MTSS1: variants seen among roughly 807,000 people sequenced by gnomAD.
MTSS1 encodes the protein protein MTSS 1.
In MTSS1, 18 loss-of-function variants were observed where a neutral mutation model predicts 79.0. That is an observed-to-expected ratio of 0.23 (90% CI 0.16 to 0.34). The LOEUF (loss-of-function observed/expected upper bound fraction) is 0.34. Ranked by LOEUF, MTSS1 falls within the 10% of genes least tolerant of loss-of-function variation. The probability of loss-of-function intolerance (pLI) is 1.00; values close to 1 mark genes in which losing one functional copy is unlikely to be tolerated. For missense variants in MTSS1, 815 were observed against 986.2 expected (o/e 0.83, Z 2.33); for synonymous variants, 341 against 368.6 (o/e 0.93, Z 0.86).
chr8:124,712,851 T>C (rs1831370113), intron 1 of MTSS1, among the ~76,000 whole-genome samples: 1 of 150,944 alleles, frequency 6.6e-6, no homozygotes, highest in Non-Finnish European at 1.5e-5. Flanking sequence ...CCTTACAAAC[T>C]GCTCCATTTG....
At chr8:124,605,103 G>A (rs1834560619) in intron 3 of MTSS1, among the ~76,000 whole-genome samples, 1 of 152,210 alleles carries the variant, frequency 6.6e-6, no homozygotes, top group Non-Finnish European at 1.5e-5. Flanking sequence ...ATGGAATGGT[G>A]TCTGGTTGCA....
chr8:124,701,705 G>A (rs1379902890), intron 2 of MTSS1, among the ~76,000 whole-genome samples: 3 of 152,168 alleles, frequency 2.0e-5, no homozygotes, highest in African/African-American at 7.2e-5. Flanking sequence ...AAAATTAGGC[G>A]GGTGATCAAG....
rs1180718307 is a variant in MTSS1 at position 124,550,995 on chromosome 8, C to A, written c.*1997G>T. 6.6e-6 allele frequency: 1 copy of A among 152,562 alleles called. No individual in the cohort carries two copies. Among genetic ancestry groups the A allele is most frequent in the African/African-American group, 2.4e-5 (1 of 41,446 alleles). The allele number at this position is 152,562 out of a possible 1,614,324, so 9.5% of individuals were successfully genotyped here. On this transcript the variant is annotated 3_prime_UTR_variant, in exon 14 of 14. Coordinates refer to ENST00000518547, the MANE Select transcript of MTSS1 (RefSeq NM_014751.6). ...CTTTTTAGCTGTGACACTGCTTTTACAATATGCAAAAACACAAGCAGAACT... is the reference window on the plus strand; with the variant it reads ...CTTTTTAGCTGTGACACTGCTTTTAAAATATGCAAAAACACAAGCAGAACT...
chr8:124,688,290 C>T (rs542533002), intron 3 of MTSS1, among the ~76,000 whole-genome samples: 1 of 149,910 alleles, frequency 6.7e-6, no homozygotes, highest in African/African-American at 2.5e-5. Flanking sequence ...TATGTGTGTA[C>T]GTGTATGTTG....
chr8:124,567,453 C>T (rs1031567435), intron 7 of MTSS1, among the ~76,000 whole-genome samples: 19 of 152,236 alleles, frequency 1.2e-4, no homozygotes, highest in Non-Finnish European at 1.5e-5. Flanking sequence ...GACTGCCAGG[C>T]CTGCTCAGAT....
chr8:124,568,011 A>G, intron 7 of MTSS1: 1 of 1,240,464 alleles, frequency 8.1e-7, no homozygotes, highest in Non-Finnish European at 1.0e-6. Context: ...CCTTTAAAAC[A>G]CAGACGACTG....
chr8:124,639,629 A>T (rs1265556540), intron 3 of MTSS1, among the ~76,000 whole-genome samples: 10 of 151,824 alleles, frequency 6.6e-5, no homozygotes, highest in African/African-American at 9.7e-5. Context: ...TGCCCAGCTA[A>T]TTTTTTGTAT....
intron 3 of MTSS1, among the ~76,000 whole-genome samples, chr8:124,646,122 C>T (rs1818955918): frequency 1.3e-5 from 2 of 152,212 alleles, no homozygotes; most frequent in Admixed American, 6.5e-5. Flanking sequence ...GCTGAAACCT[C>T]AACTTGTCTA....
At chr8:124,697,357 G>A (rs960229789) in intron 3 of MTSS1, among the ~76,000 whole-genome samples, 3 of 151,784 alleles carry the variant, frequency 2.0e-5, no homozygotes, top group African/African-American at 7.3e-5. Flanking sequence ...GTAAGGAGTT[G>A]GAGACTAGCC....
chr8:124,586,965 C>T (rs913067793), intron 5 of MTSS1, among the ~76,000 whole-genome samples: 8 of 152,202 alleles, frequency 5.3e-5, no homozygotes, highest in Non-Finnish European at 8.8e-5. Context: ...GGGCTCAGCA[C>T]AACTACTCTT....
In MTSS1 at chr8:124,727,988, G is replaced by A; in HGVS notation, c.-33C>T. ...GCTCCGGCAGGGCGAGGGCACACAC[G>A]CGGGGCCGCTGGACTGCGCGCGGGG... On this transcript the variant is annotated 5_prime_UTR_variant, in exon 1 of 14. Coordinates refer to ENST00000518547, the MANE Select transcript of MTSS1 (RefSeq NM_014751.6). The surrounding 1 kb of genome is among the most constrained non-coding windows in gnomAD (Gnocchi z 4.7). 3 of 1,596,910 alleles carry A rather than the reference G, an allele frequency of 1.9e-6. No homozygotes were observed. The highest frequency in any genetic ancestry group is 1.7e-6 in the Non-Finnish European group (2 of 1,170,282).
rs374023911 is a variant in MTSS1 at position 124,553,320 on chromosome 8, G to A, written c.1940C>T (p.Ser647Leu). 2.0e-5 allele frequency: 32 copies of A among 1,613,892 alleles called. No homozygotes were observed. Among genetic ancestry groups the A allele is most frequent in the African/African-American group, 1.1e-4 (8 of 74,910 alleles). ...PEERGEHSPE[S>L]PSVGEGPQGV... The stretch of plus-strand genomic sequence containing the variant: ...TTGGGGGCCCTCACCCACAGATGGC[G>A]ACTCAGGGCTGTGCTCCCCCCGCTC... Residue 647 changes from serine (S) to leucine (L), a missense_variant, in exon 14 of 14, where the codon TCG becomes TTG. This residue lies in a region of MTSS1 where 590 missense variants were observed against 620.8 expected (regional missense o/e 0.95). Coordinates refer to ENST00000518547, the MANE Select transcript of MTSS1 (RefSeq NM_014751.6). The surrounding 1 kb of genome is among the most constrained non-coding windows in gnomAD (Gnocchi z 6.0).
chr8:124,562,645 T>G, intron 10 of MTSS1, 137 bp downstream of exon 10: 2 of 835,390 alleles, frequency 2.4e-6, no homozygotes, highest in South Asian at 3.5e-5. Context: ...CATCTAAAGA[T>G]GAGAAATTAA....
intron 7 of MTSS1, 149 bp from the exon 8 acceptor site, chr8:124,567,327 C>T: frequency 2.8e-6 from 2 of 715,734 alleles, no homozygotes; most frequent in Non-Finnish European, 4.6e-6. Flanking sequence ...GCTGAAGGCA[C>T]TACATGCCTT....
chr8:124,672,477 G>A (rs1252626473), intron 3 of MTSS1, among the ~76,000 whole-genome samples: 2 of 151,120 alleles, frequency 1.3e-5, no homozygotes, highest in African/African-American at 2.4e-5. Flanking sequence ...CTGGGCAACA[G>A]AGCAAGACTC....
At chr8:124,703,381 C>G (rs565092606) in intron 2 of MTSS1, among the ~76,000 whole-genome samples, 1 of 152,198 alleles carries the variant, frequency 6.6e-6, no homozygotes, top group Non-Finnish European at 1.5e-5. Flanking sequence ...CAACCTCTAC[C>G]TCCTGTATTC....
chr8:124,644,862 G>T (rs1023306757), intron 3 of MTSS1, among the ~76,000 whole-genome samples: 1 of 152,204 alleles, frequency 6.6e-6, no homozygotes. Flanking sequence ...TATGGAATTT[G>T]TGTCCACCCC....
rs376764903 is a variant in MTSS1 at position 124,557,672 on chromosome 8, G to A, written c.1230+9C>T. ...TGACGGGGAGAGGAGGAGGGGGAGA[G>A]ACACAAACCTTCCAGCTAGGGATCT... On this transcript the variant is annotated intron_variant, in intron 11 of 13. Transcript: ENST00000518547. The A allele has an allele frequency of 6.4e-7, 1 of 1,563,508 alleles. No homozygotes were observed. Among genetic ancestry groups the A allele is most frequent in the Non-Finnish European group, 8.7e-7 (1 of 1,153,254 alleles).
chr8:124,653,959 C>G (rs536445539), intron 3 of MTSS1, among the ~76,000 whole-genome samples: 2 of 152,302 alleles, frequency 1.3e-5, no homozygotes, highest in South Asian at 4.1e-4. Context: ...GGTTAGACAT[C>G]CTGGTTGCAG....
Sources: gnomAD v4.1 joint callset for allele counts (sites outside exome capture counted in the v4.1 genomes callset) on GRCh38, gnomAD v4.1.1 for gene constraint, gnomAD v4.1.1 regional missense constraint, Gnocchi (gnomAD v3.1) non-coding constraint, MANE v1.5 for transcripts, NCBI Gene and HGNC (gene_info 2026-07-23, HGNC 2026-07-21) for gene names.